The following SLC11A2 variants were observed in gnomAD, a reference collection of about 807,000 sequenced individuals.
The protein encoded by SLC11A2 is natural resistance-associated macrophage protein 2.
In SLC11A2, 38 loss-of-function variants were observed where a neutral mutation model predicts 68.0. The ratio of observed to expected loss-of-function variants is 0.56; its 90% CI spans 0.43 to 0.73. The LOEUF (loss-of-function observed/expected upper bound fraction) is 0.73. Ranked by LOEUF, SLC11A2 falls within the 30% of genes least tolerant of loss-of-function variation. SLC11A2 has a pLI of 0.00. For missense variants in SLC11A2, 517 were observed against 690.5 expected (o/e 0.75, Z 2.82); for synonymous variants, 242 against 250.6 (o/e 0.97, Z 0.32).
rs1371191505 is a variant in SLC11A2, at chr12:50,987,009, AT to A, written c.*1315del. ...AATCAATGACTATAAAACAGTTTTG[AT>A]TATTTATCTCCATCAAAGTGATTTG... On this transcript the variant is annotated 3_prime_UTR_variant, in exon 16 of 16. Coordinates refer to ENST00000262052, the MANE Select transcript of SLC11A2 (RefSeq NM_000617.3). The A allele has an allele frequency of 3.9e-6, 5 of 1,285,666 alleles. No homozygotes were observed. In the African/African-American group the frequency reaches 7.6e-5, roughly 20 times the overall value. 79.6% of individuals were successfully genotyped at this position (1,285,666 alleles called of 1,614,324 possible). A position where few individuals can be genotyped will look rare whatever the true frequency, so the allele number is the denominator to read the frequency against.
At chr12:50,979,855 C>T (rs1476318683), downstream of SLC11A2, 2 of 453,872 alleles carry the variant, frequency 4.4e-6, no homozygotes, top group Non-Finnish European at 8.8e-6. Context: ...ATATTTAATG[C>T]TGAAAGGGGA....
chr12:51,023,306 G>A (rs1733180282), intron 1 of SLC11A2, among the ~76,000 whole-genome samples: 1 of 152,194 alleles, frequency 6.6e-6, no homozygotes, highest in Admixed American at 6.5e-5. Context: ...AATTAGCTGA[G>A]CATGGTGGCG....
chr12:50,961,089 A>G, the SLC11A2 span: 1 of 1,613,904 alleles, frequency 6.2e-7, no homozygotes, highest in Non-Finnish European at 8.5e-7. Flanking sequence ...TTGTTGTTGG[A>G]GCTGTGACTC....
At chr12:51,004,758 G>A (rs1262523282) in intron 5 of SLC11A2, 30 bp downstream of exon 5, 7 of 1,612,028 alleles carry the variant, frequency 4.3e-6, no homozygotes, top group Non-Finnish European at 5.9e-6. Context: ...TGGCATGGGT[G>A]AGAGACAAAC....
rs1431374943 is a variant in SLC11A2, at chr12:50,990,906, A to G, written c.1464T>C (p.Cys488=). The G allele has an allele frequency of 6.2e-7, 1 of 1,613,978 alleles. No homozygotes were observed. Among genetic ancestry groups the G allele is most frequent in the Non-Finnish European group, 8.5e-7 (1 of 1,179,960 alleles). ...IAGGILVLII[C]SINMYFVVVY... is the part of the protein sequence containing the mutation. ...CCACTACAAAGTACATATTGATGGA[A>G]CAGATGATAAGGACCAAGATTCCTC... The change falls in exon 15 of 16, where the codon TGT becomes TGC. Residue 488 remains cysteine, a synonymous_variant. Coordinates refer to ENST00000262052, the MANE Select transcript of SLC11A2 (RefSeq NM_000617.3).
chr12:50,992,225 T>A lies in SLC11A2; in HGVS notation c.1312A>T (p.Met438Leu). The change falls in exon 13 of 16, where the codon ATG becomes TTG. Residue 438 changes from methionine to leucine, a missense_variant. Met to Leu is a conservative substitution (Grantham distance 15). Coordinates refer to ENST00000262052, the MANE Select transcript of SLC11A2 (RefSeq NM_000617.3). ...VFQDVEHLTGMNDFLNVLQSL... is the reference protein window; with the variant it reads ...VFQDVEHLTGLNDFLNVLQSL... Reference sequence around the variant, plus strand: ...TGTAGAACATTCAGAAAGTCATTCATCCCTGTTAGATGCTCTACATCTTGG... The same window carrying A: ...TGTAGAACATTCAGAAAGTCATTCAACCCTGTTAGATGCTCTACATCTTGG... 1 of 1,614,064 alleles carries A rather than the reference T, an allele frequency of 6.2e-7. No individual in the cohort carries two copies. The highest frequency in any genetic ancestry group is 8.5e-7 in the Non-Finnish European group (1 of 1,179,950).
chr12:51,023,121 T>C (rs1944155846), intron 1 of SLC11A2, among the ~76,000 whole-genome samples: 1 of 152,236 alleles, frequency 6.6e-6, no homozygotes, highest in Non-Finnish European at 1.5e-5. Context: ...TAATGTAAAT[T>C]GCTCCATAAA....
At chr12:50,995,048 C>G (rs952407137) in intron 10 of SLC11A2, 3 of 263,658 alleles carry the variant, frequency 1.1e-5, no homozygotes, top group Admixed American at 1.0e-4. Flanking sequence ...CAGGAGCTCA[C>G]GCCTGTAATC....
intron 14 of SLC11A2, 65 bp downstream of exon 14, chr12:50,991,534 A>T: frequency 8.0e-7 from 1 of 1,251,208 alleles, no homozygotes; most frequent in Non-Finnish European, 1.2e-6. Context: ...TGACTGGCCT[A>T]CTGCATGAAG....
chr12:50,994,456 A>G (rs932123426), intron 11 of SLC11A2, 88 bp downstream of exon 11: 2 of 830,310 alleles, frequency 2.4e-6, no homozygotes, highest in South Asian at 1.3e-5. Flanking sequence ...AGATATGCTC[A>G]TATCTGAAGT....
At chr12:51,016,051 G>C (rs986425521) in intron 1 of SLC11A2, among the ~76,000 whole-genome samples, 1 of 152,046 alleles carries the variant, frequency 6.6e-6, no homozygotes, top group African/African-American at 2.4e-5. Flanking sequence ...CCAAAGTGCT[G>C]GGATTACAGG....
chr12:51,000,241 T>C, intron 6 of SLC11A2, 72 bp downstream of exon 6: 1 of 1,094,230 alleles, frequency 9.1e-7, no homozygotes, highest in African/African-American at 1.5e-5. Context: ...AAAAATGAAT[T>C]GGGTTTTTGT....
At chr12:50,964,147 A>C in the SLC11A2 span, among the ~76,000 whole-genome samples, 25,175 of 152,202 alleles carry the variant, frequency 0.17, 2,151 homozygotes, top group South Asian at 0.27. Context: ...TGGGGAATAG[A>C]AAAAAATTGG....
chr12:50,990,659 C>T (rs1941057755), intron 15 of SLC11A2, 136 bp downstream of exon 15: 2 of 860,186 alleles, frequency 2.3e-6, no homozygotes, highest in East Asian at 4.9e-5. Flanking sequence ...ATCCTCCCGC[C>T]TCAGCCTCCC....
At chr12:50,990,694 G>A in intron 15 of SLC11A2, 101 bp downstream of exon 15, 4 of 1,221,870 alleles carry the variant, frequency 3.3e-6, no homozygotes, top group Non-Finnish European at 4.7e-6. Context: ...ATAGGCATGA[G>A]CCACTGTGCC....
chr12:50,978,027 C>T (rs914686054), downstream of SLC11A2, among the ~76,000 whole-genome samples: 1 of 152,150 alleles, frequency 6.6e-6, no homozygotes, highest in Non-Finnish European at 1.5e-5. Flanking sequence ...GAAATAGGAA[C>T]TTTTACACTG....
Position 51,008,512 on chromosome 12 carries a change from A to C in SLC11A2, c.147T>G (p.Thr49=). The change falls in exon 3 of 16, where the codon ACT becomes ACG. Residue 49 remains threonine, a synonymous_variant. Coordinates refer to ENST00000262052, the MANE Select transcript of SLC11A2 (RefSeq NM_000617.3). ...SPGDSEEYFA[T]YFNEKISIPE... The stretch of plus-strand genomic sequence containing the variant: ...GAATGGAGATCTTCTCATTAAAGTA[A>C]GTGGCGAAGTACTCCTCTGAGTCCC... The C allele has an allele frequency of 1.2e-6, 2 of 1,613,364 alleles. No individual in the cohort carries two copies. The highest frequency in any genetic ancestry group is 1.7e-6 in the Non-Finnish European group (2 of 1,179,320).
chr12:51,026,404 C>T (rs1348289688), upstream of SLC11A2: 81 of 1,259,562 alleles, frequency 6.4e-5, no homozygotes, highest in Non-Finnish European at 8.4e-5. Context: ...CCTCCCCTCC[C>T]CGCGATTGGT....
Position 50,986,413 on chromosome 12 carries a change from A to G in SLC11A2, c.*1912T>C. ...ACATAATATTATAAAATGCCATTTAATTGGAAGGAGTTTTCTATCATTGCA... is the reference window on the plus strand; with the variant it reads ...ACATAATATTATAAAATGCCATTTAGTTGGAAGGAGTTTTCTATCATTGCA... On this transcript the variant is annotated 3_prime_UTR_variant, in exon 16 of 16. Coordinates refer to ENST00000262052, the MANE Select transcript of SLC11A2 (RefSeq NM_000617.3). The G allele has an allele frequency of 7.8e-7, 1 of 1,283,196 alleles. No individual in the cohort carries two copies. The highest frequency in any genetic ancestry group is 1.0e-6 in the Non-Finnish European group (1 of 985,310). The allele number at this position is 1,283,196 out of a possible 1,614,324, so 79.5% of individuals were successfully genotyped here. A position where few individuals can be genotyped will look rare whatever the true frequency, so the allele number is the denominator to read the frequency against.
Sources: allele counts gnomAD v4.1 joint callset (sites outside exome capture counted in the v4.1 genomes callset), GRCh38; gene constraint gnomAD v4.1.1; transcripts MANE v1.5; gene names NCBI Gene and HGNC (gene_info 2026-07-23, HGNC 2026-07-21).